The following GUCY1A1 variants were observed in gnomAD, a reference collection of about 807,000 sequenced individuals.
GUCY1A1 encodes the protein guanylate cyclase 1 soluble subunit alpha 1.
A neutral mutation model predicts 64.5 loss-of-function variants in GUCY1A1; 48 were observed. That is an observed-to-expected ratio of 0.74 (90% CI 0.59 to 0.95). GUCY1A1 has a LOEUF of 0.95. Among genes scored for constraint, GUCY1A1 ranks in the 40% least tolerant of loss-of-function variants. The pLI is 0.00. For missense variants in GUCY1A1, 804 were observed against 825.3 expected (o/e 0.97, Z 0.32); for synonymous variants, 308 against 303.4 (o/e 1.02, Z -0.16).
At chr4:155,695,230 G>T (rs1413184454) in intron 2 of GUCY1A1, among the ~76,000 whole-genome samples, 1 of 151,946 alleles carries the variant, frequency 6.6e-6, no homozygotes, top group African/African-American at 2.4e-5. Context: ...TTCCTTGTTT[G>T]TCCCAGTTCA....
At chr4:155,692,990 C>T (rs945431130) in intron 2 of GUCY1A1, among the ~76,000 whole-genome samples, 2 of 151,828 alleles carry the variant, frequency 1.3e-5, no homozygotes, top group Non-Finnish European at 2.9e-5. Context: ...GCCCAGGAGG[C>T]GGAGGTTTCA....
intron 5 of GUCY1A1, among the ~76,000 whole-genome samples, chr4:155,708,582 T>C (rs969783374): frequency 6.6e-6 from 1 of 152,174 alleles, no homozygotes; most frequent in African/African-American, 2.4e-5. Flanking sequence ...CTGTTCCTCA[T>C]TTATACATCA....
intron 2 of GUCY1A1, among the ~76,000 whole-genome samples, chr4:155,671,846 A>G (rs1214960424): frequency 6.6e-6 from 1 of 152,094 alleles, no homozygotes; most frequent in Non-Finnish European, 1.5e-5. Flanking sequence ...CTTATTTACC[A>G]TGGGTTGAGA....
At chr4:155,668,565 C>T (rs192969910) in intron 2 of GUCY1A1, among the ~76,000 whole-genome samples, 3 of 152,288 alleles carry the variant, frequency 2.0e-5, no homozygotes, top group Admixed American at 2.0e-4. Flanking sequence ...TTTGTACAAA[C>T]GTCAAACTTT....
intron 4 of GUCY1A1, among the ~76,000 whole-genome samples, chr4:155,705,183 G>A (rs72685797): frequency 0.28 from 42,753 of 152,184 alleles, 7,218 homozygotes; most frequent in East Asian, 0.5. Flanking sequence ...GCGCCACTGC[G>A]CCTTGTCTCT....
intron 6 of GUCY1A1, among the ~76,000 whole-genome samples, chr4:155,712,869 T>C (rs916086167): frequency 6.6e-6 from 1 of 152,260 alleles, no homozygotes; most frequent in African/African-American, 2.4e-5. Flanking sequence ...CGTTTTGCAT[T>C]GTTCATTGTA....
chr4:155,694,878 TAA>T (rs1346093158), intron 2 of GUCY1A1, among the ~76,000 whole-genome samples: 1 of 152,224 alleles, frequency 6.6e-6, no homozygotes, highest in Non-Finnish European at 1.5e-5. Flanking sequence ...TTTATTACAT[TAA>T]GTCCCAAAAC....
rs1734509958 is a variant in GUCY1A1 at position 155,725,299 on chromosome 4, T to C, written c.1871+3107T>C. 2.6e-5 allele frequency among the ~76,000 whole-genome samples: 4 copies of C among 152,090 alleles called. No individual in the cohort carries two copies. In the South Asian group the frequency reaches 8.3e-4, roughly 31 times the overall value. ...ACTCCTGGGTATGAAAACAACTCAGTATAACCTGAGAATTGGAAAAATCCC... is the reference window on the plus strand; with the variant it reads ...ACTCCTGGGTATGAAAACAACTCAGCATAACCTGAGAATTGGAAAAATCCC... On this transcript the variant is annotated intron_variant, in intron 9 of 9. Transcript: ENST00000506455.
At chr4:155,696,357 A>G (rs1440660967) in intron 2 of GUCY1A1, among the ~76,000 whole-genome samples, 5 of 152,026 alleles carry the variant, frequency 3.3e-5, no homozygotes, top group African/African-American at 1.2e-4. Context: ...CAGAAAGGAG[A>G]GCATAATGAG....
intron 7 of GUCY1A1, among the ~76,000 whole-genome samples, chr4:155,713,811 C>G (rs1053468704): frequency 3.3e-5 from 5 of 152,264 alleles, no homozygotes; most frequent in Admixed American, 3.3e-4. Flanking sequence ...GACTGCCACA[C>G]TGTCCTCTCA....
At chr4:155,702,050 T>C (rs1391426219) in intron 3 of GUCY1A1, among the ~76,000 whole-genome samples, 1 of 152,088 alleles carries the variant, frequency 6.6e-6, no homozygotes, top group Non-Finnish European at 1.5e-5. Flanking sequence ...AATAAATATG[T>C]ATTGAACATC....
chr4:155,719,325 G>A (rs189002206), intron 8 of GUCY1A1, among the ~76,000 whole-genome samples: 19 of 152,106 alleles, frequency 1.2e-4, no homozygotes, highest in African/African-American at 4.6e-4. Context: ...CATCACAGAG[G>A]CAGAGTGGAG....
intron 2 of GUCY1A1, among the ~76,000 whole-genome samples, chr4:155,671,425 C>T (rs1216548261): frequency 6.6e-6 from 1 of 152,128 alleles, no homozygotes; most frequent in Non-Finnish European, 1.5e-5. Context: ...CTACCAATTG[C>T]TTCACTCCAA....
In GUCY1A1 at chr4:155,732,025, A is replaced by G. The variant is rs772411128; in HGVS notation, c.*1794A>G. On this transcript the variant is annotated 3_prime_UTR_variant, in exon 10 of 10. Transcript: ENST00000506455. ...CTACTTACAAGGAAAAAAAATGTAA[A>G]TACATTTTTCTTTCTGGAACCGAAC... The G allele has an allele frequency of 6.6e-6, 1 of 151,854 alleles. No homozygotes were observed. The highest frequency in any genetic ancestry group is 1.5e-5 in the Non-Finnish European group (1 of 67,864). The allele number at this position is 151,854 out of a possible 1,614,324, so 9.4% of individuals were successfully genotyped here. A position where few individuals can be genotyped will look rare whatever the true frequency, so the allele number is the denominator to read the frequency against.
chr4:155,711,048 G>T lies in GUCY1A1; in HGVS notation c.883G>T (p.Asp295Tyr), dbSNP rs777445646. Residue 295 changes from aspartate to tyrosine, a missense_variant, in exon 6 of 10, where the codon GAT becomes TAT. By Grantham distance (160) the Asp-to-Tyr change is radical. Coordinates refer to ENST00000506455, the MANE Select transcript of GUCY1A1 (RefSeq NM_001130682.3). ...TCCATTCCATTTCATGTTTGACAAAGATATGACAATTCTGCAATTTGGCAA... is the reference window on the plus strand; with the variant it reads ...TCCATTCCATTTCATGTTTGACAAATATATGACAATTCTGCAATTTGGCAA... Reference protein sequence around the residue: ...TFPFHFMFDKDMTILQFGNGI... With the variant: ...TFPFHFMFDKYMTILQFGNGI... 32 of 1,613,890 alleles carry T rather than the reference G, an allele frequency of 2.0e-5. No homozygotes were observed. In the Admixed American group the frequency reaches 4.2e-4, roughly 21 times the overall value.
intron 6 of GUCY1A1, among the ~76,000 whole-genome samples, chr4:155,712,685 A>T (rs1401419186): frequency 6.6e-6 from 1 of 152,212 alleles, no homozygotes; most frequent in Non-Finnish European, 1.5e-5. Context: ...CCAAAAAAAT[A>T]GAACAAAGAA....
intron 6 of GUCY1A1, among the ~76,000 whole-genome samples, chr4:155,712,175 G>A (rs569883079): frequency 1.3e-5 from 2 of 152,176 alleles, no homozygotes; most frequent in East Asian, 3.9e-4. Flanking sequence ...CTGTCGCCCA[G>A]GCTGGAGTGC....
chr4:155,735,313 C>A lies in GUCY1A1; in HGVS notation c.*5082C>A, dbSNP rs1735951414. 1 of 149,868 alleles carries A rather than the reference C, an allele frequency of 6.7e-6. No homozygotes were observed. Among genetic ancestry groups the A allele is most frequent in the African/African-American group, 2.5e-5 (1 of 40,630 alleles). 9.3% of individuals were successfully genotyped at this position (149,868 alleles called of 1,614,324 possible). ...ATGTGTAGATTTCAATCAGAAAAAC[C>A]TAAGCAAAAGGAAAAAAAAGTGATA... On this transcript the variant is annotated 3_prime_UTR_variant, in exon 10 of 10. Transcript: ENST00000506455.
chr4:155,709,897 A>G (rs1732327492), intron 5 of GUCY1A1, among the ~76,000 whole-genome samples: 1 of 152,212 alleles, frequency 6.6e-6, no homozygotes, highest in African/African-American at 2.4e-5. Flanking sequence ...ATGATAAAAA[A>G]TAATATTAAT....
Sources: gnomAD v4.1 joint callset for allele counts (sites outside exome capture counted in the v4.1 genomes callset) on GRCh38, gnomAD v4.1.1 for gene constraint, MANE v1.5 for transcripts, NCBI Gene and HGNC (gene_info 2026-07-23, HGNC 2026-07-21) for gene names.